The following TBC1D9 variants were observed in gnomAD, a reference collection of about 807,000 sequenced individuals.
The protein encoded by TBC1D9 is TBC1 domain family member 9, also known as TBC1 domain family member 9A.
In TBC1D9, 63 loss-of-function variants were observed where a neutral mutation model predicts 132.0. The ratio of observed to expected loss-of-function variants is 0.48; its 90% CI spans 0.39 to 0.59. TBC1D9 has a LOEUF of 0.59. Ranked by LOEUF, TBC1D9 falls within the 20% of genes least tolerant of loss-of-function variation. The probability of loss-of-function intolerance (pLI) is 0.00; values close to 1 mark genes in which losing one functional copy is unlikely to be tolerated. For synonymous variants in TBC1D9, 610 were observed against 609.9 expected (o/e 1.00, Z 0.00); for missense variants, 1,261 against 1,592.7 (o/e 0.79, Z 3.54).
chr4:140,661,822 C>G, intron 10 of TBC1D9, 71 bp downstream of exon 10: 2 of 1,307,842 alleles, frequency 1.5e-6, no homozygotes, highest in East Asian at 5.0e-5. Flanking sequence ...AACCTTCCTT[C>G]CCACTATTTG....
At position 140,622,389 on chromosome 4, in the gene TBC1D9, T is replaced by G. The variant is rs1578810279; in HGVS notation, c.3607A>C (p.Thr1203Pro). Residue 1203 changes from threonine to proline, a missense_variant, in exon 21 of 21, where the codon ACC (threonine) becomes CCC (proline). Coordinates refer to ENST00000442267, the MANE Select transcript of TBC1D9 (RefSeq NM_015130.3). ...ATGGCCCAGTCCCGGTCCAGGCTGG[T>G]GCTCCGGGGCAGTGCCGCCGTGCCC... Reference protein sequence around the residue: ...GQGTAALPRSTSLDRDWAITF... With the variant: ...GQGTAALPRSPSLDRDWAITF... 1 of 1,612,866 alleles carries G rather than the reference T, an allele frequency of 6.2e-7. No individual in the cohort carries two copies. The highest frequency in any genetic ancestry group is 8.5e-7 in the Non-Finnish European group (1 of 1,179,050).
intron 13 of TBC1D9, among the ~76,000 whole-genome samples, chr4:140,647,193 C>T (rs191518459): frequency 6.7e-4 from 102 of 152,256 alleles, no homozygotes; most frequent in Non-Finnish European, 2.6e-4. Context: ...CATTAACATG[C>T]CATCTCATTT....
At chr4:140,710,330 C>A (rs1248102631) in intron 1 of TBC1D9, among the ~76,000 whole-genome samples, 1 of 151,874 alleles carries the variant, frequency 6.6e-6, no homozygotes, top group Non-Finnish European at 1.5e-5. Context: ...GGGGAGTGAG[C>A]TAAAGGGAGA....
intron 9 of TBC1D9, among the ~76,000 whole-genome samples, chr4:140,664,830 C>T (rs552654319): frequency 3.5e-4 from 53 of 152,136 alleles, no homozygotes; most frequent in Middle Eastern, 3.4e-3. Flanking sequence ...AACTCAAGGC[C>T]GGGTGCAGTG....
chr4:140,717,539 T>G (rs1015420410), intron 1 of TBC1D9, among the ~76,000 whole-genome samples: 1 of 152,206 alleles, frequency 6.6e-6, no homozygotes, highest in Admixed American at 6.5e-5. Flanking sequence ...TTAATTTATC[T>G]GAAGCATATA....
At chr4:140,684,321 G>A (rs1325952612) in intron 3 of TBC1D9, among the ~76,000 whole-genome samples, 4 of 151,966 alleles carry the variant, frequency 2.6e-5, no homozygotes, top group Non-Finnish European at 4.4e-5. Flanking sequence ...GATTATGGTT[G>A]CATCTGTAGT....
rs1194021986 is a variant in TBC1D9 at position 140,670,819 on chromosome 4, G to A, written c.1167C>T (p.Asp389=). The change falls in exon 7 of 21, where the codon GAC becomes GAT. Residue 389 remains aspartate, a synonymous_variant. Transcript: ENST00000442267. ...AATCTGAGATCCTCTGCACTAGAAAGTCTCTATCTTTCAAGTTGGCAAATA... is the reference window on the plus strand; with the variant it reads ...AATCTGAGATCCTCTGCACTAGAAAATCTCTATCTTTCAAGTTGGCAAATA... ...TFLFANLKDR[D]FLVQRISDFL... The A allele has an allele frequency of 6.2e-7, 1 of 1,614,014 alleles. No individual in the cohort carries two copies. The highest frequency in any genetic ancestry group is 8.5e-7 in the Non-Finnish European group (1 of 1,179,886).
rs138340456 is a variant in TBC1D9 at position 140,728,628 on chromosome 4, G to A, written c.131-27014C>T. On this transcript the variant is annotated intron_variant, in intron 1 of 20. Coordinates refer to ENST00000442267, the MANE Select transcript of TBC1D9 (RefSeq NM_015130.3). Reference sequence around the variant, plus strand: ...TGTGCCTCAGCCTCGCGAGTAGCTGGGAAGCTGGGATTACAGGTACGTGCC... The same window carrying A: ...TGTGCCTCAGCCTCGCGAGTAGCTGAGAAGCTGGGATTACAGGTACGTGCC... Among the ~76,000 whole-genome samples the A allele has an allele frequency of 2.0e-5, 3 of 151,932 alleles. No homozygotes were observed. In the East Asian group the frequency reaches 5.8e-4, roughly 29 times the overall value.
chr4:140,736,269 G>A (rs1272101690), intron 1 of TBC1D9, among the ~76,000 whole-genome samples: 5 of 152,054 alleles, frequency 3.3e-5, no homozygotes, highest in Admixed American at 1.3e-4. Context: ...ATCTGGACAC[G>A]ATGGCTCACA....
chr4:140,728,930 C>T (rs1738542925), intron 1 of TBC1D9, among the ~76,000 whole-genome samples: 1 of 152,162 alleles, frequency 6.6e-6, no homozygotes, highest in South Asian at 2.1e-4. Flanking sequence ...TCCCAACGTG[C>T]TGGGATTACA....
intron 13 of TBC1D9, among the ~76,000 whole-genome samples, chr4:140,654,294 G>T (rs1737231814): frequency 6.6e-6 from 1 of 152,108 alleles, no homozygotes; most frequent in Non-Finnish European, 1.5e-5. Context: ...TTTAGATAGG[G>T]TGGGTAAGTA....
At chr4:140,740,792 G>A (rs933946480) in intron 1 of TBC1D9, among the ~76,000 whole-genome samples, 3 of 152,156 alleles carry the variant, frequency 2.0e-5, no homozygotes, top group African/African-American at 7.2e-5. Flanking sequence ...CATTTTGGCT[G>A]TCAATTTCAT....
At chr4:140,622,938 A>C in intron 20 of TBC1D9, 21 bp from the exon 21 acceptor site, 1 of 1,491,740 alleles carries the variant, frequency 6.7e-7, no homozygotes, top group African/African-American at 1.4e-5. Context: ...ATTTGGAAAA[A>C]CACAATGTGA....
intron 9 of TBC1D9, 74 bp downstream of exon 9, chr4:140,668,843 C>T: frequency 6.5e-7 from 1 of 1,530,744 alleles, no homozygotes; most frequent in Non-Finnish European, 8.9e-7. Context: ...TGAGGCATGA[C>T]TGAAGGCACA....
chr4:140,659,663 CT>C lies in TBC1D9; in HGVS notation c.1845del (p.Glu616ArgfsTer37). ...IVTSVLLLYAKEEEAFWLLVA... is the reference protein window; with the variant it reads ...IVTSVLLLYAXEEEAFWLLVA... ...ACAAGCAGCCAGAAAGCTTCCTCCT[CT>C]TTGGCATAAAGCAGCAGCACTGAAG... is the stretch of plus-strand genomic sequence containing the variant. On this transcript the variant is annotated frameshift_variant, in exon 11 of 21. Coordinates refer to ENST00000442267, the MANE Select transcript of TBC1D9 (RefSeq NM_015130.3). LOFTEE classifies it high-confidence loss of function. 6.2e-7 allele frequency: 1 copy of C among 1,608,104 alleles called. No homozygotes were observed.
At chr4:140,712,931 C>T (rs1018738317) in intron 1 of TBC1D9, among the ~76,000 whole-genome samples, 2 of 151,964 alleles carry the variant, frequency 1.3e-5, no homozygotes, top group African/African-American at 4.8e-5. Flanking sequence ...ATTTCTGCAA[C>T]CGGTTACAGG....
chr4:140,701,555 G>A lies in TBC1D9; in HGVS notation c.190C>T (p.Arg64Ter), dbSNP rs1016740273. Reference sequence around the variant, plus strand: ...GAGTCTGGAGTCTGGTACAAGATTCGGTAAGGAGCGACCCGGGCGCTGGAG... The same window carrying A: ...GAGTCTGGAGTCTGGTACAAGATTCAGTAAGGAGCGACCCGGGCGCTGGAG... ...LDSSARVAPY[R>*]ILYQTPDSLV... is the part of the protein sequence containing the mutation. The change falls in exon 2 of 21, where the codon CGA (arginine) becomes TGA (stop). Residue 64 changes from arginine (R) to a stop codon, truncating the protein, a stop_gained. Transcript: ENST00000442267. LOFTEE classifies it high-confidence loss of function. 6.2e-6 allele frequency: 10 copies of A among 1,613,784 alleles called. No individual in the cohort carries two copies. Among genetic ancestry groups the A allele is most frequent in the African/African-American group, 1.3e-5 (1 of 74,896 alleles).
Position 140,650,678 on chromosome 4 carries a change from G to T in TBC1D9, c.2337+6419C>A, listed in dbSNP as rs189761327. Among the ~76,000 whole-genome samples the T allele has an allele frequency of 2.2e-4, 33 of 152,166 alleles. No individual in the cohort carries two copies. The East Asian group carries it at 6.4e-3, about 29-fold the overall frequency. ...CTCCCGAGTAGCTGGGATTACAGGC[G>T]CCCATCACCATGCCTGGCTGATTTT... On this transcript the variant is annotated intron_variant, in intron 13 of 20. Coordinates refer to ENST00000442267, the MANE Select transcript of TBC1D9 (RefSeq NM_015130.3).
rs1303880851 is a variant in TBC1D9 at position 140,622,775 on chromosome 4, G to C, written c.3221C>G (p.Pro1074Arg). 1 of 1,604,054 alleles carries C rather than the reference G, an allele frequency of 6.2e-7. No individual in the cohort carries two copies. Among genetic ancestry groups the C allele is most frequent in the East Asian group, 2.2e-5 (1 of 44,878 alleles). The stretch of plus-strand genomic sequence containing the variant: ...GCCTCCGCTCCCGCCCTCCTTTGCA[G>C]GCTGGGCCACGAACAACTTGCCGAC... The part of the protein sequence containing the change: ...GEVGKLFVAQ[P>R]AKEGGSGGSG... Residue 1074 changes from proline to arginine, a missense_variant, in exon 21 of 21, where the codon CCT becomes CGT. Physicochemically the swap from Pro to Arg is moderately radical, Grantham distance 103 (BLOSUM62 -2). Coordinates refer to ENST00000442267, the MANE Select transcript of TBC1D9 (RefSeq NM_015130.3).
Sources: allele counts gnomAD v4.1 joint callset (sites outside exome capture counted in the v4.1 genomes callset), GRCh38; gene constraint gnomAD v4.1.1; transcripts MANE v1.5; gene names NCBI Gene and HGNC (gene_info 2026-07-23, HGNC 2026-07-21).